Variants in ERBB4 observed in about 807,000 individuals in gnomAD.
The protein encoded by ERBB4 is erb-b2 receptor tyrosine kinase 4, also known as receptor tyrosine-protein kinase erbB-4.
ERBB4 carries 42 observed loss-of-function variants against 158.0 expected under a neutral mutation model. That is an observed-to-expected ratio of 0.27 (90% CI 0.21 to 0.34). The LOEUF is 0.34. Among genes scored for constraint, ERBB4 ranks in the 10% least tolerant of loss-of-function variants. ERBB4 has a pLI of 1.00. For synonymous variants in ERBB4, 583 were observed against 558.7 expected (o/e 1.04, Z -0.61); for missense variants, 1,333 against 1,624.1 (o/e 0.82, Z 3.08).
chr2:212,015,008 C>T lies in ERBB4; in HGVS notation c.235-67392G>A, dbSNP rs150550909. Among the ~76,000 whole-genome samples the T allele has an allele frequency of 6.1e-3, 765 of 124,664 alleles. 11 individuals carry two copies. Among genetic ancestry groups the T allele is most frequent in the African/African-American group, 0.023 (723 of 31,944 alleles). 81.8% of individuals were successfully genotyped at this position (124,664 alleles called of 152,430 possible). A position where few individuals can be genotyped will look rare whatever the true frequency, so the allele number is the denominator to read the frequency against. ...GAGAACAAGACCATCCTGGCTAACA[C>T]GGTGAAACCCCGTCTCTACTAAAAA... On this transcript the variant is annotated intron_variant, in intron 2 of 27. Coordinates refer to ENST00000342788, the MANE Select transcript of ERBB4 (RefSeq NM_005235.3).
At chr2:211,563,896 T>C (rs147288635) in intron 19 of ERBB4, among the ~76,000 whole-genome samples, 19 of 152,316 alleles carry the variant, frequency 1.2e-4, no homozygotes, top group African/African-American at 4.6e-4. Context: ...TCAGTTGGTT[T>C]TTCTATATGA....
intron 3 of ERBB4, among the ~76,000 whole-genome samples, chr2:211,866,292 G>C (rs1382056788): frequency 2.0e-5 from 3 of 151,998 alleles, no homozygotes; most frequent in Non-Finnish European, 2.9e-5. Context: ...TTATGATCTT[G>C]TCTCTGGGTT....
intron 2 of ERBB4, among the ~76,000 whole-genome samples, chr2:211,998,065 G>A (rs1250280848): frequency 1.3e-5 from 2 of 151,786 alleles, no homozygotes; most frequent in Admixed American, 6.6e-5. Context: ...GATAGCATTA[G>A]GAGATATACC....
intron 2 of ERBB4, among the ~76,000 whole-genome samples, chr2:212,007,223 T>C (rs573697910): frequency 1.1e-4 from 16 of 151,942 alleles, no homozygotes; most frequent in Non-Finnish European, 2.1e-4. Flanking sequence ...TGATTACATG[T>C]GCTAGAATTC....
At chr2:211,422,409 G>C (rs1212708541) in intron 23 of ERBB4, among the ~76,000 whole-genome samples, 1 of 150,558 alleles carries the variant, frequency 6.6e-6, no homozygotes, top group East Asian at 2.0e-4. Context: ...GAGAAGATTT[G>C]GTTACAATGC....
At chr2:212,199,796 G>A (rs1242113408) in intron 1 of ERBB4, among the ~76,000 whole-genome samples, 1 of 151,960 alleles carries the variant, frequency 6.6e-6, no homozygotes, top group Non-Finnish European at 1.5e-5. Flanking sequence ...AAATAAAAAC[G>A]ATTCTCTTGT....
chr2:212,224,788 G>C (rs947375607), intron 1 of ERBB4, among the ~76,000 whole-genome samples: 1 of 151,972 alleles, frequency 6.6e-6, no homozygotes, highest in African/African-American at 2.4e-5. Flanking sequence ...GCAAGGAAGG[G>C]AGCACAGAAT....
chr2:212,105,008 T>C (rs2079184568), intron 2 of ERBB4, among the ~76,000 whole-genome samples: 1 of 142,230 alleles, frequency 7.0e-6, no homozygotes, highest in Non-Finnish European at 1.5e-5. Flanking sequence ...TCAACGTCCT[T>C]TCTCTTTCAA....
chr2:211,746,377 G>C (rs1391559838), intron 5 of ERBB4, among the ~76,000 whole-genome samples: 1 of 152,292 alleles, frequency 6.6e-6, no homozygotes, highest in Non-Finnish European at 1.5e-5. Flanking sequence ...AAGCACAGTG[G>C]CCGTTAAGCC....
At chr2:211,936,798 C>G (rs2080336314) in intron 3 of ERBB4, among the ~76,000 whole-genome samples, 1 of 151,992 alleles carries the variant, frequency 6.6e-6, no homozygotes, top group Non-Finnish European at 1.5e-5. Flanking sequence ...CAAAAGAAAA[C>G]AAAAACAATC....
intron 1 of ERBB4, among the ~76,000 whole-genome samples, chr2:212,380,893 AT>A (rs2090482018): frequency 6.6e-6 from 1 of 151,294 alleles, no homozygotes; most frequent in South Asian, 2.1e-4. Context: ...AGAAAGGCCC[AT>A]TATTTATTTC....
intron 19 of ERBB4, among the ~76,000 whole-genome samples, chr2:211,570,325 CTTTTTTT>C (rs769458178): frequency 2.9e-5 from 3 of 105,222 alleles, no homozygotes; most frequent in African/African-American, 1.2e-4. Context: ...CTAATTTTTG[CTTTTTTT>C]TTTTTTTTTT....
At position 211,667,911 on chromosome 2, in the gene ERBB4, T is replaced by C. The variant is rs141002479; in HGVS notation, c.1717-2434A>G. Among the ~76,000 whole-genome samples the C allele has an allele frequency of 5.2e-3, 793 of 152,316 alleles. 10 individuals carry two copies. The highest frequency in any genetic ancestry group is 0.018 in the African/African-American group (737 of 41,576). On this transcript the variant is annotated intron_variant, in intron 14 of 27. Coordinates refer to ENST00000342788, the MANE Select transcript of ERBB4 (RefSeq NM_005235.3). ...TTGTTTTTTAAGCATCTCTTAACTA[T>C]AGTCATGTGACACTTAATGACCGGG...
At position 212,064,882 on chromosome 2, in the gene ERBB4, T is replaced by G. The variant is rs185792518; in HGVS notation, c.234+59870A>C. Among the ~76,000 whole-genome samples the G allele has an allele frequency of 9.3e-4, 141 of 152,184 alleles. 1 individual carries two copies. The highest frequency in any genetic ancestry group is 3.3e-3 in the African/African-American group (135 of 41,538). ...GTGTCAGTATTAAAATTTCTGATTT[T>G]GTAATTGTTGTTAACAGTTTAGAGA... On this transcript the variant is annotated intron_variant, in intron 2 of 27. Transcript: ENST00000342788.
intron 20 of ERBB4, among the ~76,000 whole-genome samples, chr2:211,465,502 A>C (rs571939646): frequency 2.8e-4 from 43 of 152,272 alleles, no homozygotes; most frequent in African/African-American, 1.0e-3. Context: ...GAAAGAGAGA[A>C]GATAATAGGG....
intron 2 of ERBB4, among the ~76,000 whole-genome samples, chr2:212,055,450 T>A (rs1468573283): frequency 6.6e-6 from 1 of 151,854 alleles, no homozygotes; most frequent in Admixed American, 6.6e-5. Flanking sequence ...CAACACAGAG[T>A]CTGAGATCTG....
intron 1 of ERBB4, among the ~76,000 whole-genome samples, chr2:212,224,024 A>G (rs1021836808): frequency 6.6e-6 from 1 of 151,950 alleles, no homozygotes; most frequent in African/African-American, 2.4e-5. Flanking sequence ...AAATTTTACA[A>G]AATTTTTATT....
chr2:212,478,543 T>A (rs1347777346), intron 1 of ERBB4, among the ~76,000 whole-genome samples: 1 of 152,236 alleles, frequency 6.6e-6, no homozygotes, highest in Middle Eastern at 3.4e-3. Flanking sequence ...AGAAACATTC[T>A]GAGACAGAGA....
At chr2:211,480,803 T>G (rs1574573870) in intron 20 of ERBB4, among the ~76,000 whole-genome samples, 1 of 152,142 alleles carries the variant, frequency 6.6e-6, no homozygotes, top group East Asian at 1.9e-4. Context: ...CCTAAATTTA[T>G]TCCTCTTTTG....
Sources: allele counts gnomAD v4.1 joint callset (sites outside exome capture counted in the v4.1 genomes callset), GRCh38; gene constraint gnomAD v4.1.1; transcripts MANE v1.5; gene names NCBI Gene and HGNC (gene_info 2026-07-23, HGNC 2026-07-21).